The following TCEANC2 variants were observed in gnomAD, a reference collection of about 807,000 sequenced individuals.
TCEANC2 encodes the protein transcription elongation factor A N-terminal and central domain containing 2, also known as transcription elongation factor A N-terminal and central domain-containing protein 2.
In TCEANC2, 20 loss-of-function variants were observed where a neutral mutation model predicts 22.8. The ratio of observed to expected loss-of-function variants is 0.88; its 90% confidence interval spans 0.62 to 1.28. The LOEUF (loss-of-function observed/expected upper bound fraction) is 1.28. TCEANC2 is among the 50% of genes most tolerant of loss of function. The pLI is 0.00. For synonymous variants in TCEANC2, 84 were observed against 95.5 expected (o/e 0.88, Z 0.70); for missense variants, 251 against 249.7 (o/e 1.01, Z -0.03).
intron 4 of TCEANC2, among the ~76,000 whole-genome samples, chr1:54,092,871 A>G (rs1224544825): frequency 6.8e-6 from 1 of 147,012 alleles, no homozygotes; most frequent in African/African-American, 2.7e-5. Flanking sequence ...TTCATCCAGA[A>G]TTAGCTGTAT....
At chr1:54,055,611 C>T (rs540621190) in intron 2 of TCEANC2, among the ~76,000 whole-genome samples, 4 of 152,302 alleles carry the variant, frequency 2.6e-5, no homozygotes, top group African/African-American at 4.8e-5. Flanking sequence ...CAAACCTGCA[C>T]CTCCAGCCTA....
downstream of TCEANC2, among the ~76,000 whole-genome samples, chr1:54,110,603 CAAACAAAACA>C (rs549379793): frequency 7.2e-5 from 11 of 152,142 alleles, no homozygotes; most frequent in South Asian, 4.2e-4. Flanking sequence ...AACCTTGTCT[CAAACAAAACA>C]AAACAAAACA....
At chr1:54,058,420 C>T (rs1455941464) in intron 2 of TCEANC2, among the ~76,000 whole-genome samples, 3 of 152,306 alleles carry the variant, frequency 2.0e-5, no homozygotes, top group African/African-American at 7.2e-5. Context: ...CCCCGCTATA[C>T]TCTGAGCTTC....
intron 3 of TCEANC2, among the ~76,000 whole-genome samples, chr1:54,083,477 A>T (rs1398459606): frequency 6.6e-6 from 1 of 152,214 alleles, no homozygotes; most frequent in Admixed American, 6.5e-5. Context: ...ATATTTCAGT[A>T]AGAAAGCCAG....
intron 3 of TCEANC2, among the ~76,000 whole-genome samples, chr1:54,071,263 T>C (rs1658051151): frequency 1.3e-5 from 2 of 152,304 alleles, no homozygotes; most frequent in South Asian, 4.1e-4. Context: ...TATTTATTTT[T>C]TCACACAATT....
intron 4 of TCEANC2, among the ~76,000 whole-genome samples, chr1:54,090,505 T>C (rs1658422117): frequency 6.6e-6 from 1 of 152,246 alleles, no homozygotes; most frequent in Admixed American, 6.5e-5. Flanking sequence ...ATTTGTGTTC[T>C]CTTGAATCTT....
In TCEANC2 at chr1:54,096,293, C is replaced by T. The variant is rs771158515; in HGVS notation, c.447C>T (p.His149=). Residue 149 remains histidine (H), a synonymous_variant, in exon 5 of 5, where the codon CAC becomes CAT. Coordinates refer to ENST00000234827, the MANE Select transcript of TCEANC2 (RefSeq NM_153035.3). The surrounding 1 kb of genome is among the most constrained non-coding windows in gnomAD (Gnocchi z 4.9). ...ATTTTGCTGTTTTTTAGATGGATCA[C>T]CTACTGGTTGAAAATATTGAACGGG... ...LSEALELKMD[H]LLVENIERET... The T allele has an allele frequency of 3.8e-6, 6 of 1,593,878 alleles. No homozygotes were observed. The African/African-American group carries it at 6.7e-5, about 18-fold the overall frequency.
At chr1:54,107,823 A>G (rs979735101), downstream of TCEANC2, among the ~76,000 whole-genome samples, 5 of 152,192 alleles carry the variant, frequency 3.3e-5, no homozygotes, top group East Asian at 7.7e-4. Context: ...TTTGAGTAGG[A>G]TAATCATTAG....
intron 3 of TCEANC2, among the ~76,000 whole-genome samples, chr1:54,078,922 T>C (rs892423833): frequency 6.6e-6 from 1 of 152,038 alleles, no homozygotes; most frequent in Non-Finnish European, 1.5e-5. Flanking sequence ...GGGAAATGAG[T>C]GTCCTCAAGT....
intron 3 of TCEANC2, among the ~76,000 whole-genome samples, chr1:54,087,137 T>G (rs1658352962): frequency 1.3e-5 from 2 of 152,206 alleles, no homozygotes. Context: ...ATTAAAAAGT[T>G]CATTAAAATA....
intron 3 of TCEANC2, among the ~76,000 whole-genome samples, chr1:54,074,332 G>T (rs547607634): frequency 1.4e-4 from 21 of 152,190 alleles, no homozygotes; most frequent in African/African-American, 5.1e-4. Flanking sequence ...GCATGGTGGC[G>T]GACGCCTGTA....
rs1255850946 is a variant in TCEANC2, at chr1:54,054,429, A to G, written c.7A>G (p.Lys3Glu). 6.2e-7 allele frequency: 1 copy of G among 1,614,092 alleles called. No individual in the cohort carries two copies. Among genetic ancestry groups the G allele is most frequent in the Non-Finnish European group, 8.5e-7 (1 of 1,180,010 alleles). The change falls in exon 2 of 5, where the codon AAA becomes GAA. Residue 3 changes from lysine to glutamate, a missense_variant. Lys to Glu is a moderately conservative substitution (Grantham distance 56). Coordinates refer to ENST00000234827, the MANE Select transcript of TCEANC2 (RefSeq NM_153035.3). ...TAGTCGGAGTCCCCTAACAATGGAT[A>G]AATTCGTCATTCGAACGCCTAGAAT... The part of the protein sequence containing the change: MD[K>E]FVIRTPRIQN...
At chr1:54,090,037 G>A in intron 4 of TCEANC2, 1 of 673,530 alleles carries the variant, frequency 1.5e-6, no homozygotes, top group Non-Finnish European at 2.8e-6. Context: ...ACACAAATCA[G>A]AATAGAATGG....
intron 3 of TCEANC2, among the ~76,000 whole-genome samples, chr1:54,071,545 C>G (rs960659709): frequency 6.6e-6 from 1 of 152,144 alleles, no homozygotes; most frequent in Non-Finnish European, 1.5e-5. Context: ...AGAGAACAAC[C>G]AAGATGGAAG....
intron 3 of TCEANC2, among the ~76,000 whole-genome samples, chr1:54,086,894 G>A (rs920722728): frequency 2.6e-5 from 4 of 152,218 alleles, no homozygotes; most frequent in African/African-American, 4.8e-5. Context: ...CAGGGCAGCG[G>A]GGCTAGGGAT....
At chr1:54,094,915 G>A (rs1194984749) in intron 4 of TCEANC2, among the ~76,000 whole-genome samples, 5 of 152,216 alleles carry the variant, frequency 3.3e-5, no homozygotes, top group Non-Finnish European at 5.9e-5. Flanking sequence ...AAGGTGGGAG[G>A]ATTGCTTGAG....
Position 54,104,971 on chromosome 1 carries a change from C to T in TCEANC2, c.*8498C>T, listed in dbSNP as rs910060441. 6 of 186,002 alleles carry T rather than the reference C, an allele frequency of 3.2e-5. No homozygotes were observed. The highest frequency in any genetic ancestry group is 2.2e-4 in the South Asian group (2 of 9,198). 11.5% of individuals were successfully genotyped at this position (186,002 alleles called of 1,614,324 possible). A position where few individuals can be genotyped will look rare whatever the true frequency, so the allele number is the denominator to read the frequency against. On this transcript the variant is annotated 3_prime_UTR_variant, in exon 5 of 5. Coordinates refer to ENST00000234827, the MANE Select transcript of TCEANC2 (RefSeq NM_153035.3). Reference sequence around the variant, plus strand: ...ATGCCTCCGTGGAAGTGACGGAGACCGGAACACGTGCTGGCTGAGGGTAAG... The same window carrying T: ...ATGCCTCCGTGGAAGTGACGGAGACTGGAACACGTGCTGGCTGAGGGTAAG...
rs373266683 is a variant in TCEANC2 at position 54,068,899 on chromosome 1, T to C, written c.244+2T>C. 2 of 1,545,318 alleles carry C rather than the reference T, an allele frequency of 1.3e-6. No homozygotes were observed. The highest frequency in any genetic ancestry group is 1.7e-6 in the Non-Finnish European group (2 of 1,153,940). On this transcript the variant is annotated splice_donor_variant, in intron 3 of 4. Transcript: ENST00000234827. LOFTEE classifies it high-confidence loss of function. The stretch of plus-strand genomic sequence containing the variant: ...AAGTGTTAAAATCAACAAGGATAGG[T>C]ATATTCCTTCTTAATTTTATTTTTT...
chr1:54,063,219 G>A (rs977733905), intron 2 of TCEANC2, among the ~76,000 whole-genome samples: 3 of 152,168 alleles, frequency 2.0e-5, no homozygotes, highest in Non-Finnish European at 4.4e-5. Flanking sequence ...GCTGGAAGCC[G>A]AAACAGGACT....
Sources: gnomAD v4.1 joint callset for allele counts (sites outside exome capture counted in the v4.1 genomes callset) on GRCh38, gnomAD v4.1.1 for gene constraint, Gnocchi (gnomAD v3.1) non-coding constraint, MANE v1.5 for transcripts, NCBI Gene and HGNC (gene_info 2026-07-23, HGNC 2026-07-21) for gene names.